The following HES7 variants were observed in gnomAD, a reference collection of about 807,000 sequenced individuals.
HES7 encodes transcription factor HES-7.
Under a neutral mutation model 18.0 loss-of-function variants are expected in HES7, and 8 were observed. That is an observed-to-expected ratio of 0.45 (90% CI 0.26 to 0.80). HES7 has a LOEUF of 0.80. Ranked by LOEUF, HES7 falls within the 30% of genes least tolerant of loss-of-function variation. The probability of loss-of-function intolerance (pLI) is 0.18; values close to 1 mark genes in which losing one functional copy is unlikely to be tolerated. For missense variants in HES7, 356 were observed against 340.9 expected (o/e 1.04, Z -0.35); for synonymous variants, 170 against 158.6 (o/e 1.07, Z -0.54).
Position 8,121,535 on chromosome 17 carries a change from C to A in HES7, c.*36G>T. On this transcript the variant is annotated 3_prime_UTR_variant, in exon 4 of 4. Coordinates refer to ENST00000541682, the MANE Select transcript of HES7 (RefSeq NM_001165967.2). Reference sequence around the variant, plus strand: ...CTGCCCTCGGGCTGGAGTCTCTACCCCACCCCTAGACCCCGCCCCCACCAC... The same window carrying A: ...CTGCCCTCGGGCTGGAGTCTCTACCACACCCCTAGACCCCGCCCCCACCAC... The A allele has an allele frequency of 7.8e-7, 1 of 1,286,548 alleles. No homozygotes were observed. Among genetic ancestry groups the A allele is most frequent in the South Asian group, 2.8e-5 (1 of 35,882 alleles). The allele number at this position is 1,286,548 out of a possible 1,614,324, so 79.7% of individuals were successfully genotyped here.
At position 8,121,934 on chromosome 17, in the gene HES7, G is replaced by A. The variant is rs1218022508; in HGVS notation, c.330C>T (p.Ala110=). 4 of 1,562,712 alleles carry A rather than the reference G, an allele frequency of 2.6e-6. No homozygotes were observed. Among genetic ancestry groups the A allele is most frequent in the Non-Finnish European group, 3.4e-6 (4 of 1,165,162 alleles). Residue 110 remains alanine (A), a synonymous_variant, in exon 4 of 4, where the codon GCC becomes GCT. Coordinates refer to ENST00000541682, the MANE Select transcript of HES7 (RefSeq NM_001165967.2). ...CGGCCGGGCTGGCGTCGTGCGCGAA[G>A]GCCGCCAAGCGAAGCAGGCACTCGC... ...GFRECLLRLA[A]FAHDASPAAR... is the part of the protein sequence containing the mutation.
Position 8,121,961 on chromosome 17 carries a change from G to A in HES7, c.303C>T (p.Phe101=). The A allele has an allele frequency of 1.3e-6, 2 of 1,554,070 alleles. No individual in the cohort carries two copies. The highest frequency in any genetic ancestry group is 1.8e-4 in the Middle Eastern group (1 of 5,648). Residue 101 remains phenylalanine (F), a synonymous_variant, in exon 4 of 4, where the codon TTC becomes TTT. Coordinates refer to ENST00000541682, the MANE Select transcript of HES7 (RefSeq NM_001165967.2). ...CCGCCAAGCGAAGCAGGCACTCGCG[G>A]AAACCGGACAAGTAGCAGCTGGCGA... is the stretch of plus-strand genomic sequence containing the variant. ...EALASCYLSG[F]RECLLRLAAF... is the part of the protein sequence containing the mutation.
In HES7 at chr17:8,121,455, G is replaced by T; in HGVS notation, c.*116C>A. On this transcript the variant is annotated 3_prime_UTR_variant, in exon 4 of 4. Coordinates refer to ENST00000541682, the MANE Select transcript of HES7 (RefSeq NM_001165967.2). ...CACATCTCACCCGCGCGCTGAGCCC[G>T]CGCGCCCCACTGCCCTCCCCAACAC... 2 of 815,880 alleles carry T rather than the reference G, an allele frequency of 2.5e-6. No individual in the cohort carries two copies. The highest frequency in any genetic ancestry group is 3.3e-6 in the Non-Finnish European group (2 of 601,938). 50.5% of individuals were successfully genotyped at this position (815,880 alleles called of 1,614,324 possible).
At chr17:8,124,548 G>C (rs1043764973), upstream of HES7, among the ~76,000 whole-genome samples, 1 of 152,178 alleles carries the variant, frequency 6.6e-6, no homozygotes, top group Non-Finnish European at 1.5e-5. Context: ...GGAGCAACCC[G>C]AGTGCGCTGG....
rs1040244264 is a variant in HES7 at position 8,120,621 on chromosome 17, G to A, written c.*950C>T. On this transcript the variant is annotated 3_prime_UTR_variant, in exon 4 of 4. Coordinates refer to ENST00000541682, the MANE Select transcript of HES7 (RefSeq NM_001165967.2). ...CAACAAAACTAGTTTATTTGGGTGG[G>A]ACTATATCTGGGAGTGGGGAGCGCC... The A allele has an allele frequency of 5.9e-5, 9 of 152,214 alleles. No individual in the cohort carries two copies. Among genetic ancestry groups the A allele is most frequent in the Non-Finnish European group, 1.3e-4 (9 of 68,046 alleles). The allele number at this position is 152,214 out of a possible 1,614,324, so 9.4% of individuals were successfully genotyped here.
chr17:8,123,122 A>C lies in HES7; in HGVS notation c.47T>G (p.Leu16Arg). Reference protein sequence around the residue: ...RAENRDGPKMLKPLVEKRRRD... With the variant: ...RAENRDGPKMRKPLVEKRRRD... ...GCGCCGCTTCTCCACAAGCGGCTTG[A>C]GCATCTGCGACCAGCGAGAAAAGGA... The change falls in exon 2 of 4, where the codon CTC becomes CGC. Residue 16 changes from leucine (L) to arginine (R), a missense_variant. Leu to Arg is a moderately radical substitution (Grantham distance 102). Coordinates refer to ENST00000541682, the MANE Select transcript of HES7 (RefSeq NM_001165967.2). This position sits in a 1 kb window ranked among gnomAD's most constrained non-coding sequence, Gnocchi z 5.9. 1.2e-6 allele frequency: 2 copies of C among 1,604,870 alleles called. No individual in the cohort carries two copies. The highest frequency in any genetic ancestry group is 1.7e-6 in the Non-Finnish European group (2 of 1,176,276).
chr17:8,122,439 G>C lies in HES7; in HGVS notation c.139-9C>G, dbSNP rs771399386. ...TTCGGGTTCCGGAGGTTCTACAGAC[G>C]GGAGGGGAGGGCGCAGAGACAGAAA... On this transcript the variant is annotated splice_polypyrimidine_tract_variant and intron_variant, in intron 2 of 3. Coordinates refer to ENST00000541682, the MANE Select transcript of HES7 (RefSeq NM_001165967.2). This position sits in a 1 kb window ranked among gnomAD's most constrained non-coding sequence, Gnocchi z 6.9. 6.4e-6 allele frequency: 10 copies of C among 1,561,666 alleles called. 1 individual carries two copies. Among genetic ancestry groups the C allele is most frequent in the Middle Eastern group, 1.7e-4 (1 of 5,994 alleles).
chr17:8,125,731 G>A (rs372468302), upstream of HES7, among the ~76,000 whole-genome samples: 195 of 152,330 alleles, frequency 1.3e-3, 2 homozygotes, highest in African/African-American at 3.8e-3. Flanking sequence ...GATCCCCGCA[G>A]AATCTTTAAG....
upstream of HES7, among the ~76,000 whole-genome samples, chr17:8,125,778 G>C (rs1280749956): frequency 6.6e-6 from 1 of 152,230 alleles, no homozygotes; most frequent in African/African-American, 2.4e-5. Context: ...ATTCTCGCCT[G>C]CCACGCGGGA....
In HES7 at chr17:8,124,072, C is replaced by G. The variant is rs1260213551; in HGVS notation, c.13G>C (p.Asp5His). 2 of 1,613,986 alleles carry G rather than the reference C, an allele frequency of 1.2e-6. No homozygotes were observed. Among genetic ancestry groups the G allele is most frequent in the Non-Finnish European group, 1.7e-6 (2 of 1,180,046 alleles). MVTR[D>H]RAENRDGPKM... The stretch of plus-strand genomic sequence containing the variant: ...GGGCCGTCCCTATTCTCAGCTCGAT[C>G]CCGGGTGACCATTGCTCCTCCGGAC... Residue 5 changes from aspartate (D) to histidine (H), a missense_variant, in exon 1 of 4, where the codon GAT (aspartate) becomes CAT (histidine). Transcript: ENST00000541682.
Position 8,122,419 on chromosome 17 carries a change from G to A in HES7, c.150C>T (p.Asn50=), listed in dbSNP as rs1361592179. 2 of 1,583,828 alleles carry A rather than the reference G, an allele frequency of 1.3e-6. No homozygotes were observed. The highest frequency in any genetic ancestry group is 3.6e-5 in the Admixed American group (2 of 55,366). Residue 50 remains asparagine, a synonymous_variant, in exon 3 of 4, where the codon AAC becomes AAT. Transcript: ENST00000541682. This position sits in a 1 kb window ranked among gnomAD's most constrained non-coding sequence, Gnocchi z 6.9. ...LERTRDQNLR[N]PKLEKAEILE... ...ATATCTCCGCTTTCTCCAGCTTCGGGTTCCGGAGGTTCTACAGACGGGAGG... is the reference window on the plus strand; with the variant it reads ...ATATCTCCGCTTTCTCCAGCTTCGGATTCCGGAGGTTCTACAGACGGGAGG...
At chr17:8,125,818 G>C (rs556121319), upstream of HES7, among the ~76,000 whole-genome samples, 2 of 152,220 alleles carry the variant, frequency 1.3e-5, no homozygotes, top group Non-Finnish European at 2.9e-5. Context: ...GCCAATGCAC[G>C]AGTACAGTTT....
At chr17:8,124,330 G>A (rs966263467), upstream of HES7, among the ~76,000 whole-genome samples, 8 of 152,284 alleles carry the variant, frequency 5.3e-5, no homozygotes, top group East Asian at 1.5e-3. Context: ...CAGACCGTAA[G>A]GCTGTATAAG....
chr17:8,123,258 G>A lies in HES7; in HGVS notation c.43-132C>T, dbSNP rs557357308. On this transcript the variant is annotated intron_variant, in intron 1 of 3. Transcript: ENST00000541682. This position sits in a 1 kb window ranked among gnomAD's most constrained non-coding sequence, Gnocchi z 5.9. ...CAAGACCCCAGATTGCCTAGGGCCG[G>A]CCCCATTCGATCCCTCTCCGCTCCC... 10 of 705,084 alleles carry A rather than the reference G, an allele frequency of 1.4e-5. No individual in the cohort carries two copies. Among genetic ancestry groups the A allele is most frequent in the South Asian group, 4.6e-5 (3 of 65,650 alleles). 43.7% of individuals were successfully genotyped at this position (705,084 alleles called of 1,614,324 possible). A position where few individuals can be genotyped will look rare whatever the true frequency, so the allele number is the denominator to read the frequency against.
Position 8,122,072 on chromosome 17 carries a change from C to A in HES7, c.227-35G>T, listed in dbSNP as rs1474335938. 6.8e-7 allele frequency: 1 copy of A among 1,468,856 alleles called. No homozygotes were observed. The highest frequency in any genetic ancestry group is 9.0e-7 in the Non-Finnish European group (1 of 1,116,760). 91.0% of individuals were successfully genotyped at this position (1,468,856 alleles called of 1,614,324 possible). The stretch of plus-strand genomic sequence containing the variant: ...CCGGCGGGAGCACAGGTGGGCAGGG[C>A]AGGGGCCCGGCAGGGGTGAGGGAAG... On this transcript the variant is annotated intron_variant, in intron 3 of 3. Transcript: ENST00000541682. This position sits in a 1 kb window ranked among gnomAD's most constrained non-coding sequence, Gnocchi z 6.9.
upstream of HES7, among the ~76,000 whole-genome samples, chr17:8,125,291 C>T (rs1981550774): frequency 6.6e-6 from 1 of 152,182 alleles, no homozygotes; most frequent in Non-Finnish European, 1.5e-5. Flanking sequence ...GCCCTCCCAA[C>T]GGCCCTCCGC....
chr17:8,126,542 G>T (rs981340549), upstream of HES7, among the ~76,000 whole-genome samples: 1 of 152,098 alleles, frequency 6.6e-6, no homozygotes, highest in African/African-American at 2.4e-5. Flanking sequence ...TCCCCTCCCC[G>T]CCCCTTCCCG....
upstream of HES7, among the ~76,000 whole-genome samples, chr17:8,124,339 A>G (rs1000092990): frequency 1.3e-5 from 2 of 152,164 alleles, no homozygotes; most frequent in African/African-American, 4.8e-5. Flanking sequence ...AGGCTGTATA[A>G]GGAGGCGGGA....
chr17:8,122,531 G>GC lies in HES7; in HGVS notation c.139-102dup. 1 of 823,618 alleles carries GC rather than the reference G, an allele frequency of 1.2e-6. No homozygotes were observed. The highest frequency in any genetic ancestry group is 2.1e-5 in the Admixed American group (1 of 46,728). 51.0% of individuals were successfully genotyped at this position (823,618 alleles called of 1,614,324 possible). A position where few individuals can be genotyped will look rare whatever the true frequency, so the allele number is the denominator to read the frequency against. The stretch of plus-strand genomic sequence containing the variant: ...AGGGACGGATGCGGGAGCTGGTGGT[G>GC]CCCCCGATCGCATTTGCGCACTGCC... On this transcript the variant is annotated intron_variant, in intron 2 of 3. Coordinates refer to ENST00000541682, the MANE Select transcript of HES7 (RefSeq NM_001165967.2). This position sits in a 1 kb window ranked among gnomAD's most constrained non-coding sequence, Gnocchi z 6.9.
Sources: allele counts gnomAD v4.1 joint callset (sites outside exome capture counted in the v4.1 genomes callset), GRCh38; gene constraint gnomAD v4.1.1; non-coding constraint Gnocchi (gnomAD v3.1); transcripts MANE v1.5; gene names NCBI Gene and HGNC (gene_info 2026-07-23, HGNC 2026-07-21).